RNF212B: variants seen among roughly 807,000 people sequenced by gnomAD.
RNF212B encodes ring finger protein 212B, also known as E3 ubiquitin-protein ligase RNF212B.
Under a neutral mutation model 55.5 loss-of-function variants are expected in RNF212B, and 52 were observed. That is an observed-to-expected ratio of 0.94 (90% CI 0.75 to 1.18). The LOEUF (loss-of-function observed/expected upper bound fraction) is 1.18. Among genes scored for constraint, RNF212B ranks in the 50% most tolerant of loss-of-function variants. The pLI, the probability that RNF212B is intolerant of heterozygous loss-of-function variation, is 0.00. For synonymous variants in RNF212B, 99 were observed against 121.4 expected (o/e 0.82, Z 1.21); for missense variants, 289 against 350.4 (o/e 0.82, Z 1.40).
intron 2 of RNF212B, among the ~76,000 whole-genome samples, chr14:23,227,996 C>T (rs1377426395): frequency 3.3e-5 from 5 of 151,946 alleles, no homozygotes; most frequent in African/African-American, 1.2e-4. Context: ...TTTGGGAGGC[C>T]GAGGCAGGTG....
At chr14:23,204,240 A>G (rs1399689290) in intron 2 of RNF212B, among the ~76,000 whole-genome samples, 5 of 152,094 alleles carry the variant, frequency 3.3e-5, no homozygotes, top group African/African-American at 1.2e-4. Context: ...TTAAGTCCCA[A>G]CTATTTATCT....
At chr14:23,202,282 G>T (rs960020947) in intron 2 of RNF212B, among the ~76,000 whole-genome samples, 5 of 150,006 alleles carry the variant, frequency 3.3e-5, no homozygotes, top group Admixed American at 3.3e-4. Context: ...GTTGGTTAAT[G>T]CTTCACAAAA....
intron 2 of RNF212B, among the ~76,000 whole-genome samples, chr14:23,232,670 G>A (rs1379749371): frequency 1.2e-4 from 17 of 146,224 alleles, no homozygotes; most frequent in Admixed American, 3.4e-4. Flanking sequence ...CAGGCCAGCC[G>A]CCCCGTCTGG....
chr14:23,242,320 T>C, intron 2 of RNF212B, among the ~76,000 whole-genome samples: 1 of 152,150 alleles, frequency 6.6e-6, no homozygotes, highest in Non-Finnish European at 1.5e-5. Context: ...TGACATGGCA[T>C]TTGTCTTAAT....
At chr14:23,225,405 T>G (rs1313010750) in intron 2 of RNF212B, among the ~76,000 whole-genome samples, 1 of 152,204 alleles carries the variant, frequency 6.6e-6, no homozygotes, top group Non-Finnish European at 1.5e-5. Context: ...GGAAGCAACT[T>G]AAGTGTCCAT....
intron 13 of RNF212B, 95 bp from the exon 14 acceptor site, chr14:23,270,505 C>A: frequency 1.3e-6 from 1 of 799,146 alleles, no homozygotes; most frequent in Non-Finnish European, 2.2e-6. Context: ...GAGTAGTGTT[C>A]CTTTAAGAAC....
intron 6 of RNF212B, 32 bp from the exon 7 acceptor site, chr14:23,260,627 G>T: frequency 6.5e-7 from 1 of 1,549,254 alleles, no homozygotes; most frequent in Non-Finnish European, 8.7e-7. Context: ...CTCAGTTGCA[G>T]CTTTCTTCAC....
At chr14:23,207,946 C>G (rs1468178778) in intron 2 of RNF212B, among the ~76,000 whole-genome samples, 1 of 152,146 alleles carries the variant, frequency 6.6e-6, no homozygotes, top group East Asian at 1.9e-4. Flanking sequence ...GCTTCCAGGT[C>G]ACAGATAAAT....
At chr14:23,259,791 A>AATAT in intron 5 of RNF212B, 93 bp from the exon 6 acceptor site, 1 of 535,140 alleles carries the variant, frequency 1.9e-6, no homozygotes, top group East Asian at 3.3e-5. Flanking sequence ...ATTTCTCAGT[A>AATAT]AGTATTAACT....
chr14:23,235,191 GAC>G (rs1883013769), upstream of RNF212B, among the ~76,000 whole-genome samples: 1 of 149,334 alleles, frequency 6.7e-6, no homozygotes, highest in Non-Finnish European at 1.5e-5. Context: ...CAGCCTGGGT[GAC>G]AGAGCAATAC....
intron 14 of RNF212B, among the ~76,000 whole-genome samples, chr14:23,272,004 T>C (rs1299650795): frequency 6.6e-6 from 1 of 152,208 alleles, no homozygotes; most frequent in African/African-American, 2.4e-5. Context: ...GTCTGGCGTT[T>C]GCATCAGTGT....
chr14:23,232,717 GC>G (rs1317101378), intron 2 of RNF212B, among the ~76,000 whole-genome samples: 1 of 136,088 alleles, frequency 7.3e-6, no homozygotes, highest in African/African-American at 2.7e-5. Context: ...CCGGCCAGCC[GC>G]CCCGTCCGGG....
At chr14:23,213,853 A>G (rs1052976385) in intron 2 of RNF212B, among the ~76,000 whole-genome samples, 3 of 152,212 alleles carry the variant, frequency 2.0e-5, no homozygotes, top group Non-Finnish European at 2.9e-5. Context: ...CTCATCATAC[A>G]AGAACCAGGA....
rs907446374 is a variant in RNF212B at position 23,262,936 on chromosome 14, C to A, written c.490C>A (p.Arg164=). The A allele has an allele frequency of 6.4e-7, 1 of 1,550,514 alleles. No individual in the cohort carries two copies. The highest frequency in any genetic ancestry group is 8.7e-7 in the Non-Finnish European group (1 of 1,146,952). Reference sequence around the variant, plus strand: ...ACTTTATTCTCTTTCAGTTACCCCACGACCCAGTTTCCAGCATAGCAGTCA... The same window carrying A: ...ACTTTATTCTCTTTCAGTTACCCCAAGACCCAGTTTCCAGCATAGCAGTCA... ...ITSPSQSVTP[R]PSFQHSSQVV... is the part of the protein sequence containing the mutation. Residue 164 remains arginine, a synonymous_variant, in exon 9 of 15, where the codon CGA becomes AGA. Transcript: ENST00000430154.
chr14:23,250,160 C>T (rs1198228969), intron 4 of RNF212B, among the ~76,000 whole-genome samples: 1 of 152,094 alleles, frequency 6.6e-6, no homozygotes, highest in Non-Finnish European at 1.5e-5. Context: ...ACCTTTATAC[C>T]TGAAATGCCT....
intron 2 of RNF212B, among the ~76,000 whole-genome samples, chr14:23,220,316 G>A (rs1881451652): frequency 6.6e-6 from 1 of 152,172 alleles, no homozygotes; most frequent in Admixed American, 6.5e-5. Context: ...TGGATTGCTT[G>A]AGGCCCAGAG....
chr14:23,254,809 C>T (rs1405483228), intron 4 of RNF212B, among the ~76,000 whole-genome samples: 1 of 152,218 alleles, frequency 6.6e-6, no homozygotes, highest in Non-Finnish European at 1.5e-5. Context: ...TACTGTGCCT[C>T]TCTCAGTATT....
At chr14:23,195,437 T>C (rs4982740) in intron 2 of RNF212B, among the ~76,000 whole-genome samples, 66,283 of 152,052 alleles carry the variant, frequency 0.44, 16,658 homozygotes, top group Admixed American at 0.59. Flanking sequence ...ATCTCTTGTC[T>C]ACCTCTAAGG....
intron 2 of RNF212B, among the ~76,000 whole-genome samples, chr14:23,226,467 A>C (rs1882028454): frequency 6.6e-6 from 1 of 151,760 alleles, no homozygotes; most frequent in Admixed American, 6.6e-5. Context: ...CATCTCTACT[A>C]AAAATACAAA....
Sources: allele counts gnomAD v4.1 joint callset (sites outside exome capture counted in the v4.1 genomes callset), GRCh38; gene constraint gnomAD v4.1.1; transcripts MANE v1.5; gene names NCBI Gene and HGNC (gene_info 2026-07-23, HGNC 2026-07-21).